Variants in HEATR4 observed in about 807,000 individuals in gnomAD.
HEATR4 encodes the protein HEAT repeat containing 4.
In HEATR4, 95 loss-of-function variants were observed where a neutral mutation model predicts 108.8. The observed-to-expected ratio is 0.87, with a 90% confidence interval of 0.74 to 1.04. The LOEUF (loss-of-function observed/expected upper bound fraction) is 1.04. HEATR4 is among the 50% of genes least tolerant of loss of function. The pLI is 0.00. For synonymous variants in HEATR4, 443 were observed against 459.4 expected, an observed-to-expected ratio of 0.96 and a Z score of 0.46; for missense variants, 1,152 against 1,253.8, an observed-to-expected ratio of 0.92 and a Z score of 1.23.
At chr14:73,538,242 T>C (rs1288853990) in intron 1 of HEATR4, among the ~76,000 whole-genome samples, 2 of 113,970 alleles carry the variant, frequency 1.8e-5, no homozygotes, top group African/African-American at 5.7e-5. Flanking sequence ...GAGACAGGAA[T>C]GGAATGGAAA....
the HEATR4 span, chr14:73,569,131 G>A: frequency 7.8e-7 from 1 of 1,276,464 alleles, no homozygotes; most frequent in Non-Finnish European, 1.1e-6. Flanking sequence ...GCAAGTTCCA[G>A]TGTGTCTATA....
chr14:73,619,583 T>C, the HEATR4 span: 1 of 1,614,218 alleles, frequency 6.2e-7, no homozygotes, highest in Non-Finnish European at 8.5e-7. Flanking sequence ...TATGCTCAGA[T>C]AGCCTCTGAA....
At chr14:73,627,216 A>T in the HEATR4 span, among the ~76,000 whole-genome samples, 1 of 151,810 alleles carries the variant, frequency 6.6e-6, no homozygotes, top group African/African-American at 2.4e-5. Flanking sequence ...CAATTCTCTC[A>T]CTCAACGCAA....
At chr14:73,482,247 C>A (rs1383401058) in intron 17 of HEATR4, among the ~76,000 whole-genome samples, 1 of 152,066 alleles carries the variant, frequency 6.6e-6, no homozygotes, top group Non-Finnish European at 1.5e-5. Context: ...TTAGGCCGGG[C>A]ACAGTGGCTC....
the HEATR4 span, among the ~76,000 whole-genome samples, chr14:73,628,267 G>A: frequency 1.3e-5 from 2 of 152,048 alleles, no homozygotes; most frequent in Admixed American, 6.6e-5. Context: ...ACAAGATTAC[G>A]ACCAAATATA....
At chr14:73,612,885 A>T in the HEATR4 span, 1 of 1,392,342 alleles carries the variant, frequency 7.2e-7, no homozygotes, top group Non-Finnish European at 9.6e-7. Flanking sequence ...TTCGCCGTGG[A>T]GCTGGAAGTG....
chr14:73,491,953 G>A (rs762925919), intron 17 of HEATR4: 7 of 1,613,858 alleles, frequency 4.3e-6, no homozygotes, highest in Non-Finnish European at 4.2e-6. Context: ...GGCAGTTTTT[G>A]GCTGTGCTTC....
the HEATR4 span, chr14:73,591,899 T>A: frequency 2.3e-6 from 3 of 1,320,790 alleles, no homozygotes; most frequent in South Asian, 7.1e-5. Context: ...TTCGGCGCGC[T>A]TGCCACGATC....
intron 6 of HEATR4, among the ~76,000 whole-genome samples, chr14:73,513,728 CAAAAAAAAAAAAAAAAAA>C (rs747778891): frequency 8.6e-5 from 4 of 46,774 alleles, no homozygotes; most frequent in Non-Finnish European, 1.5e-4. Context: ...ACTACGTCTC[CAAAAAAAAAAAAAAAAAA>C]AAAAAAAAAA....
chr14:73,514,360 G>A (rs1313834058), intron 5 of HEATR4, 126 bp from the exon 6 acceptor site: 17 of 766,884 alleles, frequency 2.2e-5, no homozygotes, highest in Non-Finnish European at 3.4e-5. Context: ...CCTCAAGAGT[G>A]AATTTCCCCA....
rs1410925648 is a variant in HEATR4 at position 73,539,261 on chromosome 14, G to A, written c.-151-9017C>T. The A allele has an allele frequency of 6.1e-5, 7 of 114,800 alleles. 3 individuals carry two copies. The highest frequency in any genetic ancestry group is 1.3e-4 in the Non-Finnish European group (7 of 52,750). The allele number at this position is 114,800 out of a possible 1,614,324, so 7.1% of individuals were successfully genotyped here. A position where few individuals can be genotyped will look rare whatever the true frequency, so the allele number is the denominator to read the frequency against. On this transcript the variant is annotated intron_variant, in intron 1 of 17. Transcript: ENST00000553558. ...TCCCTGCTGGCTGGCTATGATCTCC[G>A]TCCTGTTACCATTCCAGGAGAGCAG...
At chr14:73,614,955 G>A in the HEATR4 span, among the ~76,000 whole-genome samples, 1 of 151,548 alleles carries the variant, frequency 6.6e-6, no homozygotes, top group South Asian at 2.1e-4. Flanking sequence ...AAGTTAGCCG[G>A]GCATGGTGGT....
the HEATR4 span, among the ~76,000 whole-genome samples, chr14:73,624,795 G>T: frequency 6.6e-6 from 1 of 152,246 alleles, no homozygotes; most frequent in East Asian, 1.9e-4. Flanking sequence ...TGAAATGGGC[G>T]TAATAATAGT....
In HEATR4 at chr14:73,557,269, G is replaced by GA. The variant is rs1278422003; in HGVS notation, c.-152+1481dup. Among the ~76,000 whole-genome samples, 2 of 114,010 alleles carry GA rather than the reference G, an allele frequency of 1.8e-5. 1 individual carries two copies. Among genetic ancestry groups the GA allele is most frequent in the Admixed American group, 2.0e-4 (2 of 9,974 alleles). 74.8% of individuals were successfully genotyped at this position (114,010 alleles called of 152,430 possible). On this transcript the variant is annotated intron_variant, in intron 1 of 17. Transcript: ENST00000553558. ...GATGAACTTCCTAGATCCCCAGCTG[G>GA]AAAACGTAGGAGTTGGACTAAATTC...
intron 17 of HEATR4, among the ~76,000 whole-genome samples, chr14:73,486,647 G>T (rs1263305281): frequency 6.6e-6 from 1 of 151,804 alleles, no homozygotes; most frequent in Non-Finnish European, 1.5e-5. Context: ...GCAGTGAGCC[G>T]AGATCGTGCC....
At chr14:73,563,425 T>A (rs1376150017), upstream of HEATR4, among the ~76,000 whole-genome samples, 1 of 151,670 alleles carries the variant, frequency 6.6e-6, no homozygotes, top group Non-Finnish European at 1.5e-5. Context: ...TGAAATCCCA[T>A]CTCTACTAAA....
the HEATR4 span, among the ~76,000 whole-genome samples, chr14:73,590,755 CCCG>C: frequency 6.1e-4 from 92 of 151,848 alleles, no homozygotes; most frequent in African/African-American, 2.0e-3. Flanking sequence ...CCCACGCCCA[CCCG>C]GGACTCGCGC....
intron 17 of HEATR4, chr14:73,491,693 G>C: frequency 6.5e-7 from 1 of 1,550,078 alleles, no homozygotes; most frequent in South Asian, 1.2e-5. Flanking sequence ...ATGGGAGCGC[G>C]AGGCGGTGCT....
the HEATR4 span, among the ~76,000 whole-genome samples, chr14:73,610,330 G>A: frequency 6.9e-5 from 10 of 144,914 alleles, no homozygotes; most frequent in Admixed American, 3.6e-4. Flanking sequence ...TTGCTCTGTC[G>A]CTCAGGCTGG....
Sources: gnomAD v4.1 joint callset for allele counts (sites outside exome capture counted in the v4.1 genomes callset) on GRCh38, gnomAD v4.1.1 for gene constraint, MANE v1.5 for transcripts, NCBI Gene and HGNC (gene_info 2026-07-23, HGNC 2026-07-21) for gene names.